Variants in ZGRF1 observed in about 807,000 individuals in gnomAD.
The protein encoded by ZGRF1 is zinc finger GRF-type containing 1.
Under a neutral mutation model 203.5 loss-of-function variants are expected in ZGRF1, and 196 were observed. The ratio of observed to expected loss-of-function variants is 0.96; its 90% CI spans 0.86 to 1.08. The LOEUF is 1.08. ZGRF1 is among the 50% of genes least tolerant of loss of function. The pLI is 0.00. For synonymous variants in ZGRF1, 809 were observed against 841.3 expected, an observed-to-expected ratio of 0.96 and a Z score of 0.66; for missense variants, 2,326 against 2,416.3, an observed-to-expected ratio of 0.96 and a Z score of 0.78.
In ZGRF1 at chr4:112,619,148, T is replaced by C. The variant is rs753127376; in HGVS notation, c.894A>G (p.Gln298=). ...TCTTCATCTCAGCACACTCTTCCTG[T>C]TGAATTAGGTACTTTGGTTTAGTAG... is the stretch of plus-strand genomic sequence containing the variant. The part of the protein sequence containing the change: ...KIATKPKYLI[Q]QEECAEMKST... Residue 298 remains glutamine (Q), a synonymous_variant, in exon 6 of 28, where the codon CAA becomes CAG. Transcript: ENST00000505019. The C allele has an allele frequency of 1.2e-6, 2 of 1,613,844 alleles. No individual in the cohort carries two copies. The highest frequency in any genetic ancestry group is 1.1e-5 in the South Asian group (1 of 91,074).
intron 6 of ZGRF1, among the ~76,000 whole-genome samples, chr4:112,613,434 G>A (rs1162934820): frequency 6.6e-6 from 1 of 151,612 alleles, no homozygotes. Flanking sequence ...AGGCACTAGG[G>A]AAATAGCAGT....
intron 10 of ZGRF1, among the ~76,000 whole-genome samples, chr4:112,592,452 G>C (rs961657617): frequency 2.0e-5 from 3 of 152,096 alleles, no homozygotes; most frequent in Non-Finnish European, 4.4e-5. Context: ...CATTGAAATT[G>C]CTCTTGCCAA....
chr4:112,580,015 TCAAACTATACTA>T lies in ZGRF1; in HGVS notation c.4438+1636_4438+1647del, dbSNP rs1203319379. Among the ~76,000 whole-genome samples, 5 of 122,970 alleles carry T rather than the reference TCAAACTATACTA, an allele frequency of 4.1e-5. 1 individual carries two copies. The highest frequency in any genetic ancestry group is 1.8e-4 in the Admixed American group (2 of 10,854). 80.7% of individuals were successfully genotyped at this position (122,970 alleles called of 152,430 possible). A position where few individuals can be genotyped will look rare whatever the true frequency, so the allele number is the denominator to read the frequency against. ...GCTGGAGGCATCACGCTACCTGACT[TCAAACTATACTA>T]CAAACTATACTACAGTAACCAAAAC... On this transcript the variant is annotated intron_variant, in intron 16 of 27. Transcript: ENST00000505019.
rs1198509524 is a variant in ZGRF1, at chr4:112,619,602, C to T, written c.440G>A (p.Gly147Asp). 5 of 1,613,808 alleles carry T rather than the reference C, an allele frequency of 3.1e-6. No individual in the cohort carries two copies. Among genetic ancestry groups the T allele is most frequent in the Non-Finnish European group, 4.2e-6 (5 of 1,179,936 alleles). The change falls in exon 6 of 28, where the codon GGC becomes GAC. Residue 147 changes from glycine (G) to aspartate (D), a missense_variant. Gly to Asp is a moderately conservative substitution (Grantham distance 94). Transcript: ENST00000505019. ...SAASHEAKKT[G>D]PTIFSPFCSM... The stretch of plus-strand genomic sequence containing the variant: ...GCAGAATGGAGAAAAAATAGTAGGG[C>T]CAGTTTTCTTAGCCTCATGTGATGC...
At chr4:112,540,752 A>T (rs1737394265) in intron 26 of ZGRF1, 69 bp downstream of exon 26, 2 of 1,272,214 alleles carry the variant, frequency 1.6e-6, no homozygotes, top group East Asian at 2.6e-5. Context: ...TATAAATGTA[A>T]TATCAAATAT....
chr4:112,622,063 C>CA, intron 4 of ZGRF1, among the ~76,000 whole-genome samples: 1 of 152,088 alleles, frequency 6.6e-6, no homozygotes, highest in South Asian at 2.1e-4. Context: ...TAGTAGTTAC[C>CA]ACCAATCAGA....
At chr4:112,615,232 TA>T (rs2046826914) in intron 6 of ZGRF1, among the ~76,000 whole-genome samples, 1 of 151,896 alleles carries the variant, frequency 6.6e-6, no homozygotes, top group Admixed American at 6.6e-5. Context: ...TTCCCAAAAC[TA>T]ATTTTTTTTT....
chr4:112,597,744 C>T (rs555635686), intron 10 of ZGRF1, among the ~76,000 whole-genome samples: 22 of 148,792 alleles, frequency 1.5e-4, no homozygotes, highest in African/African-American at 5.2e-4. Flanking sequence ...ATTAGCTGGA[C>T]GTGGTGGTGC....
intron 18 of ZGRF1, among the ~76,000 whole-genome samples, chr4:112,561,811 T>C (rs1742030416): frequency 6.6e-6 from 1 of 151,576 alleles, no homozygotes; most frequent in Non-Finnish European, 1.5e-5. Flanking sequence ...AATACTGAAA[T>C]GATCCTTAAA....
At chr4:112,559,342 G>T (rs1335783107) in intron 19 of ZGRF1, among the ~76,000 whole-genome samples, 1 of 152,174 alleles carries the variant, frequency 6.6e-6, no homozygotes, top group East Asian at 1.9e-4. Context: ...GGGACTACAG[G>T]TGCATGCCTC....
At chr4:112,560,410 G>C (rs1261807001) in intron 19 of ZGRF1, among the ~76,000 whole-genome samples, 1 of 152,198 alleles carries the variant, frequency 6.6e-6, no homozygotes, top group East Asian at 1.9e-4. Context: ...AGAAGAGTGA[G>C]CTGACTAGGA....
At chr4:112,608,796 T>C (rs1751145750) in intron 8 of ZGRF1, among the ~76,000 whole-genome samples, 1 of 152,206 alleles carries the variant, frequency 6.6e-6, no homozygotes, top group Admixed American at 6.5e-5. Context: ...TTTCTTTTTA[T>C]TTTGTTCTGT....
intron 6 of ZGRF1, among the ~76,000 whole-genome samples, chr4:112,613,218 C>T (rs1257284010): frequency 1.3e-5 from 2 of 152,052 alleles, no homozygotes; most frequent in Admixed American, 6.6e-5. Context: ...CACTTGAACT[C>T]GGGAGGTGGA....
intron 16 of ZGRF1, among the ~76,000 whole-genome samples, chr4:112,569,393 C>A (rs965832369): frequency 6.6e-6 from 1 of 152,176 alleles, no homozygotes; most frequent in African/African-American, 2.4e-5. Context: ...AACTAAACAG[C>A]ATGCTAATGA....
Position 112,560,925 on chromosome 4 carries a change from C to T in ZGRF1, c.4768G>A (p.Val1590Ile), listed in dbSNP as rs1345840073. The change falls in exon 19 of 28, where the codon GTC becomes ATC. Residue 1590 changes from valine to isoleucine, a missense_variant. Transcript: ENST00000505019. ...RKFIPPAFTNVSTKFELLSLG... is the reference protein window; with the variant it reads ...RKFIPPAFTNISTKFELLSLG... ...CTGAGTAGTTCAAATTTTGTACTGA[C>T]ATTTGTGAAGGCTGGTGGGATAAAT... The T allele has an allele frequency of 1.5e-5, 24 of 1,612,624 alleles. No homozygotes were observed. The highest frequency in any genetic ancestry group is 2.0e-5 in the Non-Finnish European group (23 of 1,179,076).
At chr4:112,572,165 T>A (rs534452725) in intron 16 of ZGRF1, among the ~76,000 whole-genome samples, 1 of 152,234 alleles carries the variant, frequency 6.6e-6, no homozygotes, top group South Asian at 2.1e-4. Context: ...TTAAATCTCA[T>A]AGCCACCAAA....
rs1560865687 is a variant in ZGRF1, at chr4:112,617,603, AG to A, written c.2438del (p.Pro813LeufsTer10). 1 of 1,613,640 alleles carries A rather than the reference AG, an allele frequency of 6.2e-7. No homozygotes were observed. The highest frequency in any genetic ancestry group is 1.3e-5 in the African/African-American group (1 of 75,042). ...ATCCAGAAAGTTCTGAAGAATTTCT[AG>A]GATTCCAGTATTGTTTGCCTTCTCT... Reference protein sequence around the residue: ...TAREGKQYWNPRNSSELSGLV... With the variant: ...TAREGKQYWNXRNSSELSGLV... On this transcript the variant is annotated frameshift_variant, in exon 6 of 28. Coordinates refer to ENST00000505019, the MANE Select transcript of ZGRF1 (RefSeq NM_018392.5). LOFTEE classifies it high-confidence loss of function.
intron 10 of ZGRF1, among the ~76,000 whole-genome samples, chr4:112,596,602 T>G (rs12502851): frequency 0.037 from 5,646 of 152,062 alleles, 239 homozygotes; most frequent in East Asian, 0.21. Context: ...GATTTTTTTT[T>G]TTGTTGTTGG....
At chr4:112,558,480 G>C (rs1741363732) in intron 19 of ZGRF1, among the ~76,000 whole-genome samples, 171 bp from the exon 20 acceptor site, 1 of 152,236 alleles carries the variant, frequency 6.6e-6, no homozygotes, top group South Asian at 2.1e-4. Flanking sequence ...TGATTCTCCT[G>C]TCTCAGCCTC....
Sources: gnomAD v4.1 joint callset for allele counts (sites outside exome capture counted in the v4.1 genomes callset) on GRCh38, gnomAD v4.1.1 for gene constraint, MANE v1.5 for transcripts, NCBI Gene and HGNC (gene_info 2026-07-23, HGNC 2026-07-21) for gene names.